Variants in SPAG16 observed in about 807,000 individuals in gnomAD.
The protein encoded by SPAG16 is sperm associated antigen 16.
SPAG16 carries 86 observed loss-of-function variants against 80.4 expected under a neutral mutation model. That is an observed-to-expected ratio of 1.07 (90% CI 0.90 to 1.28). The LOEUF is 1.28. Among genes scored for constraint, SPAG16 ranks in the 50% most tolerant of loss-of-function variants. SPAG16 has a pLI of 0.00. For missense variants in SPAG16, 870 were observed against 765.3 expected (o/e 1.14, Z -1.61); for synonymous variants, 294 against 265.9 (o/e 1.11, Z -1.03).
chr2:213,709,794 A>G (rs1173475445), intron 10 of SPAG16, among the ~76,000 whole-genome samples: 3 of 152,258 alleles, frequency 2.0e-5, no homozygotes, highest in African/African-American at 7.2e-5. Flanking sequence ...AAAGGCTGAC[A>G]AAGAATATTT....
intron 12 of SPAG16, among the ~76,000 whole-genome samples, chr2:213,958,832 T>G (rs1319934085): frequency 6.6e-6 from 1 of 150,442 alleles, no homozygotes. Context: ...ATTGCCCATA[T>G]ACTTACCAGT....
chr2:213,830,815 T>C (rs2125715845), intron 10 of SPAG16, among the ~76,000 whole-genome samples: 1 of 152,240 alleles, frequency 6.6e-6, no homozygotes, highest in African/African-American at 2.4e-5. Flanking sequence ...CTGAATTCTT[T>C]TATGATTCCT....
At chr2:214,360,323 C>G (rs959571740) in intron 15 of SPAG16, among the ~76,000 whole-genome samples, 2 of 151,832 alleles carry the variant, frequency 1.3e-5, no homozygotes, top group Admixed American at 1.3e-4. Flanking sequence ...AAGCAAGTCT[C>G]TTTAACTCTT....
intron 10 of SPAG16, among the ~76,000 whole-genome samples, chr2:213,736,105 T>A (rs560791866): frequency 1.3e-5 from 2 of 152,338 alleles, no homozygotes; most frequent in African/African-American, 4.8e-5. Context: ...GTGCTTACTC[T>A]ATTCAATAAT....
At chr2:213,327,792 A>G (rs1296198657) in intron 5 of SPAG16, among the ~76,000 whole-genome samples, 1 of 152,092 alleles carries the variant, frequency 6.6e-6, no homozygotes, top group Non-Finnish European at 1.5e-5. Flanking sequence ...CACACTCCTT[A>G]TTGTAGGAAG....
intron 15 of SPAG16, among the ~76,000 whole-genome samples, chr2:214,232,594 G>C (rs895469576): frequency 1.3e-5 from 2 of 151,804 alleles, no homozygotes; most frequent in Non-Finnish European, 2.9e-5. Context: ...AGTCGGGGGG[G>C]GCTCAGATTG....
chr2:213,595,648 C>G (rs528341766), intron 10 of SPAG16, among the ~76,000 whole-genome samples: 1 of 152,168 alleles, frequency 6.6e-6, no homozygotes, highest in Non-Finnish European at 1.5e-5. Flanking sequence ...CTAGAAATAT[C>G]TGTTTGGAGA....
At chr2:214,022,697 G>A (rs1047164080) in intron 13 of SPAG16, among the ~76,000 whole-genome samples, 2 of 131,602 alleles carry the variant, frequency 1.5e-5, no homozygotes, top group Non-Finnish European at 3.3e-5. Context: ...TGAAAAAGAA[G>A]TGAAGGAGGG....
chr2:214,305,174 C>T (rs1694828252), intron 15 of SPAG16, among the ~76,000 whole-genome samples: 1 of 152,062 alleles, frequency 6.6e-6, no homozygotes, highest in Non-Finnish European at 1.5e-5. Context: ...TGTATGTTTT[C>T]TTTTGAAAAG....
At chr2:213,878,412 A>G (rs2076220683) in intron 11 of SPAG16, among the ~76,000 whole-genome samples, 2 of 151,854 alleles carry the variant, frequency 1.3e-5, no homozygotes. Flanking sequence ...TTTAACTTGT[A>G]TTTGTCAATA....
At chr2:214,154,020 C>T (rs2056101306) in intron 15 of SPAG16, among the ~76,000 whole-genome samples, 1 of 152,134 alleles carries the variant, frequency 6.6e-6, no homozygotes, top group African/African-American at 2.4e-5. Context: ...TCTCATTAAA[C>T]AGAAAGCCTC....
At chr2:213,692,910 AAAAATAC>A (rs2065006871) in intron 10 of SPAG16, among the ~76,000 whole-genome samples, 2 of 152,202 alleles carry the variant, frequency 1.3e-5, no homozygotes, top group African/African-American at 4.8e-5. Flanking sequence ...TTTTTAAGGA[AAAAATAC>A]ATTTTAAGAA....
chr2:213,495,939 C>G (rs958961427), intron 10 of SPAG16, among the ~76,000 whole-genome samples: 9 of 152,048 alleles, frequency 5.9e-5, no homozygotes, highest in African/African-American at 2.2e-4. Flanking sequence ...ACTTGGGGAT[C>G]AAAGAGCCTG....
At chr2:213,347,609 G>C (rs1361087912) in intron 6 of SPAG16, among the ~76,000 whole-genome samples, 1 of 152,182 alleles carries the variant, frequency 6.6e-6, no homozygotes, top group Non-Finnish European at 1.5e-5. Flanking sequence ...TGGTTTCAAA[G>C]AACATCTTTA....
chr2:213,535,730 C>T (rs1026416999), intron 10 of SPAG16, among the ~76,000 whole-genome samples: 1 of 152,048 alleles, frequency 6.6e-6, no homozygotes, highest in Non-Finnish European at 1.5e-5. Context: ...ATTTAAAAGT[C>T]TCTATCATAA....
chr2:213,914,647 A>G (rs2077862618), intron 11 of SPAG16, among the ~76,000 whole-genome samples: 1 of 152,166 alleles, frequency 6.6e-6, no homozygotes, highest in African/African-American at 2.4e-5. Flanking sequence ...TTCTATTTTA[A>G]AACATTTCTT....
intron 11 of SPAG16, among the ~76,000 whole-genome samples, chr2:213,883,635 T>G (rs1488071814): frequency 6.6e-6 from 1 of 152,170 alleles, no homozygotes; most frequent in African/African-American, 2.4e-5. Flanking sequence ...TATTATAGTG[T>G]GGTTGTCTAG....
At chr2:213,913,482 G>C (rs2077775075) in intron 11 of SPAG16, among the ~76,000 whole-genome samples, 1 of 151,038 alleles carries the variant, frequency 6.6e-6, no homozygotes, top group Non-Finnish European at 1.5e-5. Context: ...GAATATGTGT[G>C]TGTGTGTCTG....
intron 15 of SPAG16, among the ~76,000 whole-genome samples, chr2:214,201,033 A>G (rs748861853): frequency 8.5e-5 from 13 of 152,182 alleles, no homozygotes; most frequent in Admixed American, 6.5e-5. Context: ...TTGCCCAGAT[A>G]CTAGGAAAAA....
Sources: allele counts gnomAD v4.1 joint callset (sites outside exome capture counted in the v4.1 genomes callset), GRCh38; gene constraint gnomAD v4.1.1; transcripts MANE v1.5; gene names NCBI Gene and HGNC (gene_info 2026-07-23, HGNC 2026-07-21).